The following FHIT variants were observed in gnomAD, a reference collection of about 807,000 sequenced individuals.
The protein encoded by FHIT is fragile histidine triad diadenosine triphosphatase.
FHIT carries 19 observed loss-of-function variants against 17.9 expected under a neutral mutation model. That is an observed-to-expected ratio of 1.06 (90% CI 0.74 to 1.56). FHIT has a LOEUF of 1.56. FHIT is among the 40% of genes most tolerant of loss of function. The pLI is 0.00. For missense variants in FHIT, 248 were observed against 189.2 expected (o/e 1.31, Z -1.82); for synonymous variants, 81 against 69.7 (o/e 1.16, Z -0.81).
Position 60,706,240 on chromosome 3 carries a change from T to C in FHIT, c.-18+115679A>G, listed in dbSNP as rs1412057815. The stretch of plus-strand genomic sequence containing the variant: ...GGGGAACATCACACATCGGGGCCTG[T>C]TGGGGGTTTGGGGGGCAAGGGGAGG... On this transcript the variant is annotated intron_variant, in intron 4 of 9. Coordinates refer to ENST00000492590, the MANE Select transcript of FHIT (RefSeq NM_002012.4). 4.0e-5 allele frequency among the ~76,000 whole-genome samples: 5 copies of C among 124,160 alleles called. No individual in the cohort carries two copies. In the Admixed American group the frequency reaches 4.9e-4, roughly 12 times the overall value. The allele number at this position is 124,160 out of a possible 152,430, so 81.5% of individuals were successfully genotyped here.
chr3:61,221,809 C>T (rs1321015904), intron 1 of FHIT, among the ~76,000 whole-genome samples: 1 of 152,212 alleles, frequency 6.6e-6, no homozygotes, highest in Non-Finnish European at 1.5e-5. Context: ...CTACAGTTGC[C>T]AACTCTACCC....
Position 61,018,050 on chromosome 3 carries a change from C to G in FHIT, c.-111+23997G>C, listed in dbSNP as rs572611186. ...AAAATAATGGCAATTACTCATTGAA[C>G]ATTTACTATGTGCCAGGTACTATAT... On this transcript the variant is annotated intron_variant, in intron 3 of 9. Coordinates refer to ENST00000492590, the MANE Select transcript of FHIT (RefSeq NM_002012.4). 6.8e-4 allele frequency among the ~76,000 whole-genome samples: 104 copies of G among 152,246 alleles called. No homozygotes were observed. The Middle Eastern group carries it at 0.017, about 25-fold the overall frequency.
chr3:60,076,067 C>T lies in FHIT; in HGVS notation c.104-61915G>A, dbSNP rs573916381. 6.1e-4 allele frequency among the ~76,000 whole-genome samples: 93 copies of T among 152,116 alleles called. 1 individual carries two copies. The highest frequency in any genetic ancestry group is 2.2e-3 in the African/African-American group (90 of 41,504). On this transcript the variant is annotated intron_variant, in intron 5 of 9. Transcript: ENST00000492590. ...ATGATAGTCATTTTGCCAGAGGAGC[C>T]TCAATAATCCCTGAGCTGAAATACT...
At chr3:60,117,121 T>G (rs1705000678) in intron 5 of FHIT, among the ~76,000 whole-genome samples, 1 of 152,174 alleles carries the variant, frequency 6.6e-6, no homozygotes, top group Non-Finnish European at 1.5e-5. Flanking sequence ...CTAGAGATAA[T>G]TAATTGCTAA....
At chr3:60,042,940 T>C (rs983716310) in intron 5 of FHIT, among the ~76,000 whole-genome samples, 1 of 152,182 alleles carries the variant, frequency 6.6e-6, no homozygotes, top group Non-Finnish European at 1.5e-5. Flanking sequence ...GTTTGTTACC[T>C]TGATGAAGTG....
At chr3:60,265,860 T>C (rs989363048) in intron 5 of FHIT, among the ~76,000 whole-genome samples, 15 of 151,826 alleles carry the variant, frequency 9.9e-5, no homozygotes, top group Admixed American at 1.3e-4. Context: ...GAAATGGTGA[T>C]CTAAACACCA....
chr3:60,842,018 T>C (rs2205354), intron 3 of FHIT, among the ~76,000 whole-genome samples: 29,454 of 151,996 alleles, frequency 0.19, 3,096 homozygotes, highest in Middle Eastern at 0.29. Flanking sequence ...TGGAAGACCA[T>C]AGGGAATTCC....
intron 2 of FHIT, among the ~76,000 whole-genome samples, chr3:61,080,876 G>A (rs2106775460): frequency 6.6e-6 from 1 of 152,110 alleles, no homozygotes; most frequent in Non-Finnish European, 1.5e-5. Flanking sequence ...TCACATGCAT[G>A]CCACTGAATG....
Position 60,303,609 on chromosome 3 carries a change from T to C in FHIT, c.103+233251A>G, listed in dbSNP as rs77434923. Among the ~76,000 whole-genome samples the C allele has an allele frequency of 9.6e-3, 1,462 of 152,258 alleles. 30 individuals carry two copies. The highest frequency in any genetic ancestry group is 0.034 in the African/African-American group (1,412 of 41,554). ...GTGATCAGTGTTGATGTGTGCCGCT[T>C]CACAGCCCATATGTGATTTTCTATG... is the stretch of plus-strand genomic sequence containing the variant. On this transcript the variant is annotated intron_variant, in intron 5 of 9. Transcript: ENST00000492590.
intron 5 of FHIT, among the ~76,000 whole-genome samples, chr3:60,252,422 A>G (rs558463043): frequency 6.6e-6 from 1 of 152,120 alleles, no homozygotes; most frequent in Non-Finnish European, 1.5e-5. Context: ...AAATTAGCAG[A>G]TCATAATGGC....
At chr3:60,196,252 T>C (rs974339489) in intron 5 of FHIT, among the ~76,000 whole-genome samples, 3 of 152,140 alleles carry the variant, frequency 2.0e-5, no homozygotes, top group African/African-American at 7.2e-5. Context: ...GGGGCTCTAG[T>C]TCAGAATCCA....
intron 5 of FHIT, among the ~76,000 whole-genome samples, chr3:60,405,197 C>A (rs540888686): frequency 3.7e-4 from 56 of 152,308 alleles, no homozygotes; most frequent in Non-Finnish European, 6.6e-4. Flanking sequence ...TTTGTCTTCC[C>A]ATTTGGCACA....
At chr3:60,047,605 AG>A (rs1452550436) in intron 5 of FHIT, among the ~76,000 whole-genome samples, 2 of 152,358 alleles carry the variant, frequency 1.3e-5, no homozygotes, top group East Asian at 3.9e-4. Flanking sequence ...CAGGTGCATT[AG>A]GCATATGTGA....
chr3:59,907,896 T>C (rs903562615), intron 8 of FHIT, among the ~76,000 whole-genome samples: 6 of 152,244 alleles, frequency 3.9e-5, no homozygotes, highest in Admixed American at 3.3e-4. Flanking sequence ...CCCTGGCTTA[T>C]GGCTCAATTC....
chr3:60,542,846 T>C (rs1028859369), intron 4 of FHIT, among the ~76,000 whole-genome samples: 2 of 152,208 alleles, frequency 1.3e-5, no homozygotes, highest in African/African-American at 4.8e-5. Context: ...TGCAAATATA[T>C]ATATTCCTAT....
chr3:59,831,230 C>T lies in FHIT; in HGVS notation c.349-78909G>A, dbSNP rs374529458. Among the ~76,000 whole-genome samples the T allele has an allele frequency of 2.2e-4, 33 of 152,118 alleles. 1 individual carries two copies. The East Asian group carries it at 6.0e-3, about 28-fold the overall frequency. ...TTACTGATATGAAGTATTAGTGATA[C>T]ATTATTGATATAATTATCATCAACA... On this transcript the variant is annotated intron_variant, in intron 8 of 9. Coordinates refer to ENST00000492590, the MANE Select transcript of FHIT (RefSeq NM_002012.4).
chr3:60,657,580 C>T (rs1577035927), intron 4 of FHIT, among the ~76,000 whole-genome samples: 1 of 152,150 alleles, frequency 6.6e-6, no homozygotes, highest in Admixed American at 6.5e-5. Flanking sequence ...CATCTGTGTA[C>T]AGTGAAAGTA....
intron 5 of FHIT, among the ~76,000 whole-genome samples, chr3:60,232,097 GA>G (rs1003522981): frequency 5.3e-5 from 8 of 152,160 alleles, no homozygotes; most frequent in African/African-American, 1.9e-4. Flanking sequence ...ACTTGTAGTA[GA>G]AATGGTATGT....
At chr3:60,644,224 C>T (rs947684386) in intron 4 of FHIT, among the ~76,000 whole-genome samples, 2 of 152,150 alleles carry the variant, frequency 1.3e-5, no homozygotes, top group Admixed American at 1.3e-4. Context: ...ACATGCTTTC[C>T]TGCTACTGAA....
Sources: gnomAD v4.1 joint callset for allele counts (sites outside exome capture counted in the v4.1 genomes callset) on GRCh38, gnomAD v4.1.1 for gene constraint, MANE v1.5 for transcripts, NCBI Gene and HGNC (gene_info 2026-07-23, HGNC 2026-07-21) for gene names.